The following ENPP7 variants were observed in gnomAD, a reference collection of about 807,000 sequenced individuals.
ENPP7 encodes ectonucleotide pyrophosphatase/phosphodiesterase 7.
A neutral mutation model predicts 33.6 loss-of-function variants in ENPP7; 39 were observed. That is an observed-to-expected ratio of 1.16 (90% CI 0.90 to 1.52). The LOEUF is 1.52. Ranked by LOEUF, ENPP7 falls within the 40% of genes most tolerant of loss-of-function variation. The pLI is 0.00. For synonymous variants in ENPP7, 244 were observed against 274.3 expected (o/e 0.89, Z 1.09); for missense variants, 594 against 641.0 (o/e 0.93, Z 0.79).
rs5822293 is a variant in ENPP7, at chr17:79,734,479, AT to A, written c.400-548del. On this transcript the variant is annotated intron_variant, in intron 2 of 5. Coordinates refer to ENST00000328313, the MANE Select transcript of ENPP7 (RefSeq NM_178543.5). ...AGGCAGACACTGCGTATCTGGGAAC[AT>A]TTTTTTTTTTTTTTTGAGACGGAGT... 3.2e-3 allele frequency among the ~76,000 whole-genome samples: 451 copies of A among 139,952 alleles called. 3 individuals carry two copies. Among genetic ancestry groups the A allele is most frequent in the African/African-American group, 9.7e-3 (367 of 37,806 alleles). The allele number at this position is 139,952 out of a possible 152,430, so 91.8% of individuals were successfully genotyped here. A position where few individuals can be genotyped will look rare whatever the true frequency, so the allele number is the denominator to read the frequency against.
Position 79,738,139 on chromosome 17 carries a change from T to A in ENPP7, c.*16+77T>A, listed in dbSNP as rs2094299417. 1 of 1,485,342 alleles carries A rather than the reference T, an allele frequency of 6.7e-7. No individual in the cohort carries two copies. Among genetic ancestry groups the A allele is most frequent in the Non-Finnish European group, 9.2e-7 (1 of 1,088,472 alleles). 92.0% of individuals were successfully genotyped at this position (1,485,342 alleles called of 1,614,324 possible). On this transcript the variant is annotated intron_variant, in intron 5 of 5. Coordinates refer to ENST00000328313, the MANE Select transcript of ENPP7 (RefSeq NM_178543.5). This position sits in a 1 kb window ranked among gnomAD's most constrained non-coding sequence, Gnocchi z 6.2. ...CTCCACCCTGATGTCCCAGCTACAG[T>A]CCTAGGCAACCAGAACAGAGCTGCC...
chr17:79,735,594 G>A lies in ENPP7; in HGVS notation c.951G>A (p.Glu317=). Residue 317 remains glutamate, a synonymous_variant, in exon 3 of 6, where the codon GAG becomes GAA. Transcript: ENST00000328313. This position sits in a 1 kb window ranked among gnomAD's most constrained non-coding sequence, Gnocchi z 5.5. The stretch of plus-strand genomic sequence containing the variant: ...TCTACAAGAAGGAGGCGTTCCCCGA[G>A]GCCTTCCACTACGCCAACAACCCCA... ...LHVYKKEAFP[E]AFHYANNPRV... The A allele has an allele frequency of 3.7e-6, 6 of 1,613,858 alleles. No homozygotes were observed. Among genetic ancestry groups the A allele is most frequent in the Non-Finnish European group, 5.1e-6 (6 of 1,180,022 alleles).
rs1291764739 is a variant in ENPP7, at chr17:79,739,165, G to A, written c.*16+1103G>A. On this transcript the variant is annotated intron_variant, in intron 5 of 5. Coordinates refer to ENST00000328313, the MANE Select transcript of ENPP7 (RefSeq NM_178543.5). The surrounding 1 kb of genome is among the most constrained non-coding windows in gnomAD (Gnocchi z 4.4). ...AGCCAGACACACCAGGCAGGGGAAA[G>A]AGCCAGGGACAGGCCCGCGGTGGGA... is the stretch of plus-strand genomic sequence containing the variant. The A allele has an allele frequency of 6.5e-6, 1 of 152,890 alleles. No individual in the cohort carries two copies. The highest frequency in any genetic ancestry group is 2.4e-5 in the African/African-American group (1 of 41,494). The allele number at this position is 152,890 out of a possible 1,614,324, so 9.5% of individuals were successfully genotyped here. A position where few individuals can be genotyped will look rare whatever the true frequency, so the allele number is the denominator to read the frequency against.
At position 79,732,151 on chromosome 17, in the gene ENPP7, C is replaced by CATATATATATGTGTATATATATATAT. The variant is rs2094287721; in HGVS notation, c.253+760_253+761insTATATATATGTGTATATATATATATA. Among the ~76,000 whole-genome samples the CATATATATATGTGTATATATATATAT allele has an allele frequency of 8.1e-4, 21 of 25,890 alleles. 1 individual carries two copies. The highest frequency in any genetic ancestry group is 2.0e-3 in the South Asian group (2 of 978). 17.0% of individuals were successfully genotyped at this position (25,890 alleles called of 152,430 possible). ...ATATATGTATATATATATATATATA[C>CATATATATATGTGTATATATATATAT]ACACACATATATATATATATGAGGC... On this transcript the variant is annotated intron_variant, in intron 1 of 5. Coordinates refer to ENST00000328313, the MANE Select transcript of ENPP7 (RefSeq NM_178543.5).
rs2094294739 is a variant in ENPP7, at chr17:79,735,821, C to T, written c.1026+152C>T. 1.4e-6 allele frequency: 1 copy of T among 700,426 alleles called. No individual in the cohort carries two copies. The highest frequency in any genetic ancestry group is 2.3e-6 in the Non-Finnish European group (1 of 429,382). The allele number at this position is 700,426 out of a possible 1,614,324, so 43.4% of individuals were successfully genotyped here. A position where few individuals can be genotyped will look rare whatever the true frequency, so the allele number is the denominator to read the frequency against. On this transcript the variant is annotated intron_variant, in intron 3 of 5. Coordinates refer to ENST00000328313, the MANE Select transcript of ENPP7 (RefSeq NM_178543.5). This position sits in a 1 kb window ranked among gnomAD's most constrained non-coding sequence, Gnocchi z 5.5. Reference sequence around the variant, plus strand: ...CTCACTGCAGCCTTAAACTCCCAGACTCAAGCGATCCTTCCACCTCAGCCT... The same window carrying T: ...CTCACTGCAGCCTTAAACTCCCAGATTCAAGCGATCCTTCCACCTCAGCCT...
chr17:79,733,628 C>A lies in ENPP7; in HGVS notation c.374C>A (p.Pro125His), dbSNP rs1555822966. ...IQRWWDNGSV[P>H]IWITAQRQGL... ...AGGTGGTGGGACAACGGCAGCGTGC[C>A]CATCTGGATCACAGCCCAGAGGCAG... The change falls in exon 2 of 6, where the codon CCC (proline) becomes CAC (histidine). Residue 125 changes from proline to histidine, a missense_variant. By Grantham distance (77) the Pro-to-His change is moderately conservative (BLOSUM62 -2). This residue lies in a region of ENPP7 where 504 missense variants were observed against 512.8 expected (regional missense o/e 0.98). Transcript: ENST00000328313. 6.2e-7 allele frequency: 1 copy of A among 1,612,648 alleles called. No individual in the cohort carries two copies. The highest frequency in any genetic ancestry group is 8.5e-7 in the Non-Finnish European group (1 of 1,179,904).
rs1555823336 is a variant in ENPP7, at chr17:79,735,350, C to G, written c.707C>G (p.Thr236Arg). ...LRESIARNHL[T>R]DRLNLIITSD... ...GAGAGCATCGCGCGCAACCACCTCACAGACCGCCTCAACCTGATCATCACA... is the reference window on the plus strand; with the variant it reads ...GAGAGCATCGCGCGCAACCACCTCAGAGACCGCCTCAACCTGATCATCACA... The change falls in exon 3 of 6, where the codon ACA becomes AGA. Residue 236 changes from threonine (T) to arginine (R), a missense_variant. Around this residue, in one of 3 missense-constraint regions of ENPP7, gnomAD observed 504 missense variants for 512.8 expected, o/e 0.98. Coordinates refer to ENST00000328313, the MANE Select transcript of ENPP7 (RefSeq NM_178543.5). This position sits in a 1 kb window ranked among gnomAD's most constrained non-coding sequence, Gnocchi z 5.5. 1.9e-6 allele frequency: 3 copies of G among 1,613,882 alleles called. No individual in the cohort carries two copies. Among genetic ancestry groups the G allele is most frequent in the Admixed American group, 1.7e-5 (1 of 60,024 alleles).
rs1159976792 is a variant in ENPP7 at position 79,739,972 on chromosome 17, G to A, written c.*17-1822G>A. Reference sequence around the variant, plus strand: ...TTCCAGAGGCCGACGCAGGAGGATCGCTTGAGCCCAGGAGTTCAAGACCAG... The same window carrying A: ...TTCCAGAGGCCGACGCAGGAGGATCACTTGAGCCCAGGAGTTCAAGACCAG... On this transcript the variant is annotated intron_variant, in intron 5 of 5. Transcript: ENST00000328313. This position sits in a 1 kb window ranked among gnomAD's most constrained non-coding sequence, Gnocchi z 4.4. Among the ~76,000 whole-genome samples the A allele has an allele frequency of 6.6e-6, 1 of 152,194 alleles. No individual in the cohort carries two copies. Among genetic ancestry groups the A allele is most frequent in the African/African-American group, 2.4e-5 (1 of 41,446 alleles).
chr17:79,739,431 C>T lies in ENPP7; in HGVS notation c.*16+1369C>T, dbSNP rs577009414. On this transcript the variant is annotated intron_variant, in intron 5 of 5. Coordinates refer to ENST00000328313, the MANE Select transcript of ENPP7 (RefSeq NM_178543.5). The surrounding 1 kb of genome is among the most constrained non-coding windows in gnomAD (Gnocchi z 4.4). ...CCAGTTTGGAGGTGGCTGCAGGACC[C>T]AGCCGGACATTCCAGTGGCGGGGTG... The T allele has an allele frequency of 1.3e-5, 2 of 152,490 alleles. No individual in the cohort carries two copies. The highest frequency in any genetic ancestry group is 2.4e-5 in the African/African-American group (1 of 41,564). 9.4% of individuals were successfully genotyped at this position (152,490 alleles called of 1,614,324 possible).
rs117390517 is a variant in ENPP7, at chr17:79,740,816, G to A, written c.*17-978G>A. Among the ~76,000 whole-genome samples, 73 of 152,218 alleles carry A rather than the reference G, an allele frequency of 4.8e-4. No individual in the cohort carries two copies. In the East Asian group the frequency reaches 0.014, roughly 28 times the overall value. ...CCATGGCCCATTTCAAGCTACCAAC[G>A]TGAGGTCACCGAACACAAAGTAGGG... On this transcript the variant is annotated intron_variant, in intron 5 of 5. Coordinates refer to ENST00000328313, the MANE Select transcript of ENPP7 (RefSeq NM_178543.5).
intron 2 of ENPP7, among the ~76,000 whole-genome samples, chr17:79,734,042 A>T (rs1354411889): frequency 1.3e-5 from 2 of 152,102 alleles, no homozygotes; most frequent in African/African-American, 4.8e-5. Context: ...TAACAATTAG[A>T]CGACTTTCTC....
In ENPP7 at chr17:79,737,144, T is replaced by A; in HGVS notation, c.1130T>A (p.Leu377Gln). The A allele has an allele frequency of 6.2e-7, 1 of 1,614,084 alleles. No individual in the cohort carries two copies. The highest frequency in any genetic ancestry group is 8.5e-7 in the Non-Finnish European group (1 of 1,180,022). The change falls in exon 4 of 6, where the codon CTG becomes CAG. Residue 377 changes from leucine to glutamine, a missense_variant. Physicochemically the swap from Leu to Gln is moderately radical, Grantham distance 113. This residue lies in a region of ENPP7 where 504 missense variants were observed against 512.8 expected (regional missense o/e 0.98). Coordinates refer to ENST00000328313, the MANE Select transcript of ENPP7 (RefSeq NM_178543.5). This position sits in a 1 kb window ranked among gnomAD's most constrained non-coding sequence, Gnocchi z 5.5. ...RAVGPSFRAG[L>Q]EVEPFESVHV... ...GTGGGCCCTAGCTTCAGGGCGGGCC[T>A]GGAGGTGGAGCCCTTTGAGAGCGTC... is the stretch of plus-strand genomic sequence containing the variant.
chr17:79,741,569 C>T (rs1366301510), intron 5 of ENPP7, among the ~76,000 whole-genome samples: 1 of 151,980 alleles, frequency 6.6e-6, no homozygotes, highest in Admixed American at 6.6e-5. Flanking sequence ...CTGCCCCGCA[C>T]CTGTGCCCTC....
In ENPP7 at chr17:79,738,530, T is replaced by C. The variant is rs150087105; in HGVS notation, c.*16+468T>C. The C allele has an allele frequency of 6.3e-6, 1 of 158,320 alleles. No individual in the cohort carries two copies. The allele number at this position is 158,320 out of a possible 1,614,324, so 9.8% of individuals were successfully genotyped here. ...TTGGTAGGAGAGCACCAGGGCTATA[T>C]TCCTGGAACTCTCTGGAAGCCCACC... On this transcript the variant is annotated intron_variant, in intron 5 of 5. Transcript: ENST00000328313. The surrounding 1 kb of genome is among the most constrained non-coding windows in gnomAD (Gnocchi z 6.2).
At chr17:79,736,277 G>A (rs1555823575) in intron 3 of ENPP7, among the ~76,000 whole-genome samples, 1 of 152,182 alleles carries the variant, frequency 6.6e-6, no homozygotes. Flanking sequence ...GGGCTGAAGC[G>A]ATCCTCCTGC....
rs1905564228 is a variant in ENPP7 at position 79,742,005 on chromosome 17, C to T, written c.*228C>T. ...GCCCCCGGCGAGCCGGTCCCATAAC[C>T]GGCCCCCTGCCCCTGCCCCTGCTCC... On this transcript the variant is annotated 3_prime_UTR_variant, in exon 6 of 6. Transcript: ENST00000328313. 32 of 934,040 alleles carry T rather than the reference C, an allele frequency of 3.4e-5. No homozygotes were observed. Among genetic ancestry groups the T allele is most frequent in the Non-Finnish European group, 3.7e-5 (29 of 781,890 alleles). The allele number at this position is 934,040 out of a possible 1,614,324, so 57.9% of individuals were successfully genotyped here. A position where few individuals can be genotyped will look rare whatever the true frequency, so the allele number is the denominator to read the frequency against.
chr17:79,732,151 C>CATATATATATGTATATATATATATATAT (rs2094287721), intron 1 of ENPP7, among the ~76,000 whole-genome samples: 4 of 25,884 alleles, frequency 1.5e-4, no homozygotes, highest in African/African-American at 3.0e-4. Context: ...TATATATATA[C>CATATATATATGTATATATATATATATAT]ACACACATAT....
chr17:79,733,368 C>T (rs183722315), intron 1 of ENPP7, 140 bp from the exon 2 acceptor site: 6 of 835,390 alleles, frequency 7.2e-6, no homozygotes, highest in African/African-American at 3.5e-5. Flanking sequence ...CTGCTCCCCC[C>T]AGCCCTGCCC....
chr17:79,733,436 T>C, intron 1 of ENPP7, 72 bp from the exon 2 acceptor site: 1 of 1,524,482 alleles, frequency 6.6e-7, no homozygotes, highest in East Asian at 2.3e-5. Context: ...CTTCGCCTCT[T>C]CCAGCCCTGG....
Sources: gnomAD v4.1 joint callset for allele counts (sites outside exome capture counted in the v4.1 genomes callset) on GRCh38, gnomAD v4.1.1 for gene constraint, gnomAD v4.1.1 regional missense constraint, Gnocchi (gnomAD v3.1) non-coding constraint, MANE v1.5 for transcripts, NCBI Gene and HGNC (gene_info 2026-07-23, HGNC 2026-07-21) for gene names.